Variants in CHN1 observed in about 807,000 individuals in gnomAD.
CHN1 encodes chimerin 1.
A neutral mutation model predicts 59.5 loss-of-function variants in CHN1; 37 were observed. The ratio of observed to expected loss-of-function variants is 0.62; its 90% CI spans 0.48 to 0.82. The LOEUF is 0.82. CHN1 is among the 40% of genes least tolerant of loss of function. The pLI is 0.00. For missense variants in CHN1, 469 were observed against 571.0 expected (o/e 0.82, Z 1.82); for synonymous variants, 206 against 200.4 (o/e 1.03, Z -0.24).
At chr2:174,838,064 G>A (rs187603769) in intron 7 of CHN1, among the ~76,000 whole-genome samples, 40 of 152,120 alleles carry the variant, frequency 2.6e-4, no homozygotes, top group African/African-American at 8.7e-4. Flanking sequence ...TGCTTTAACC[G>A]TCCTACTAAC....
intron 5 of CHN1, among the ~76,000 whole-genome samples, chr2:174,889,214 G>A (rs955246870): frequency 2.6e-5 from 4 of 152,070 alleles, no homozygotes; most frequent in African/African-American, 9.7e-5. Flanking sequence ...CTCTACACAG[G>A]TTAATTCATA....
intron 11 of CHN1, among the ~76,000 whole-genome samples, chr2:174,804,755 CTG>C (rs1256727687): frequency 3.3e-5 from 5 of 152,180 alleles, no homozygotes; most frequent in Non-Finnish European, 7.3e-5. Flanking sequence ...ATTGGAAAGA[CTG>C]TGGGTGGAGG....
intron 1 of CHN1, among the ~76,000 whole-genome samples, chr2:174,960,304 C>T (rs1056027856): frequency 6.6e-6 from 1 of 152,116 alleles, no homozygotes; most frequent in African/African-American, 2.4e-5. Flanking sequence ...CTGTACTCAA[C>T]CTAAATGTCC....
At position 174,857,453 on chromosome 2, in the gene CHN1, G is replaced by A. The variant is rs189442289; in HGVS notation, c.550-10496C>T. Among the ~76,000 whole-genome samples, 8 of 152,226 alleles carry A rather than the reference G, an allele frequency of 5.3e-5. No individual in the cohort carries two copies. In the East Asian group the frequency reaches 1.5e-3, roughly 29 times the overall value. The stretch of plus-strand genomic sequence containing the variant: ...ATAAATTCTTGGAGGGTGGCAGATT[G>A]TGGTCCTGATGTATTGGTAACAACC... On this transcript the variant is annotated intron_variant, in intron 6 of 12. Coordinates refer to ENST00000409900, the MANE Select transcript of CHN1 (RefSeq NM_001822.7).
intron 10 of CHN1, chr2:174,810,788 A>G (rs1396664615): frequency 1.3e-5 from 2 of 152,238 alleles, no homozygotes; most frequent in Admixed American, 6.5e-5. Flanking sequence ...TGATAGAACT[A>G]GAATACGTAC....
At chr2:175,004,852 C>T in intron 1 of CHN1, 42 bp downstream of exon 1, 1 of 1,327,402 alleles carries the variant, frequency 7.5e-7, no homozygotes, top group Non-Finnish European at 9.8e-7. Context: ...AGCCCCGGGA[C>T]GCGGCCCACC....
chr2:174,909,612 C>T (rs964068790), intron 5 of CHN1, among the ~76,000 whole-genome samples: 1 of 152,214 alleles, frequency 6.6e-6, no homozygotes, highest in Non-Finnish European at 1.5e-5. Flanking sequence ...GAAAACCAAC[C>T]TTAGACTGAA....
At position 174,956,806 on chromosome 2, in the gene CHN1, A is replaced by T. The variant is rs577793917; in HGVS notation, c.20-4604T>A. Among the ~76,000 whole-genome samples, 5 of 152,176 alleles carry T rather than the reference A, an allele frequency of 3.3e-5. No individual in the cohort carries two copies. The East Asian group carries it at 9.6e-4, about 29-fold the overall frequency. On this transcript the variant is annotated intron_variant, in intron 1 of 12. Transcript: ENST00000409900. Reference sequence around the variant, plus strand: ...AAAAAAAGAATGAATAACAGATTACATGAATAAATGAATAATGAATGAAAT... The same window carrying T: ...AAAAAAAGAATGAATAACAGATTACTTGAATAAATGAATAATGAATGAAAT...
intron 3 of CHN1, among the ~76,000 whole-genome samples, chr2:174,926,644 T>C (rs78315544): frequency 2.4e-3 from 359 of 152,290 alleles, no homozygotes; most frequent in Non-Finnish European, 2.9e-3. Context: ...TTCACTGAGC[T>C]AGACAAAGGC....
intron 6 of CHN1, among the ~76,000 whole-genome samples, chr2:174,870,759 T>G (rs928633223): frequency 1.3e-5 from 2 of 152,240 alleles, no homozygotes; most frequent in African/African-American, 4.8e-5. Flanking sequence ...CAATGATTAT[T>G]TCCTCACCAA....
At chr2:174,813,347 G>C (rs1310614277) in intron 8 of CHN1, among the ~76,000 whole-genome samples, 1 of 152,176 alleles carries the variant, frequency 6.6e-6, no homozygotes. Context: ...GGGTGTGGAG[G>C]TTCCAGCCCT....
chr2:174,927,175 C>T (rs1040954710), intron 3 of CHN1, among the ~76,000 whole-genome samples: 4 of 152,154 alleles, frequency 2.6e-5, no homozygotes, highest in African/African-American at 7.2e-5. Flanking sequence ...CTCCCGAGCA[C>T]GCATCCTTAA....
chr2:174,945,052 A>G, intron 2 of CHN1, 109 bp from the exon 3 acceptor site: 1 of 726,984 alleles, frequency 1.4e-6, no homozygotes. Flanking sequence ...AACTGGTATA[A>G]CCTTATTTAC....
At chr2:174,873,330 T>C (rs9789395) in intron 6 of CHN1, among the ~76,000 whole-genome samples, 48,767 of 151,940 alleles carry the variant, frequency 0.32, 9,250 homozygotes, top group Admixed American at 0.45. Flanking sequence ...AGCTTGAGCA[T>C]GAACAAGGAA....
intron 6 of CHN1, among the ~76,000 whole-genome samples, chr2:174,862,956 G>A (rs1687112207): frequency 6.6e-6 from 1 of 152,156 alleles, no homozygotes; most frequent in African/African-American, 2.4e-5. Context: ...TGGGTGTTTG[G>A]CATTTTCTAT....
chr2:174,830,722 G>A (rs879678762), intron 7 of CHN1, among the ~76,000 whole-genome samples: 1 of 152,208 alleles, frequency 6.6e-6, no homozygotes, highest in Non-Finnish European at 1.5e-5. Flanking sequence ...CCACTGGCCA[G>A]CAGCAGACAG....
At chr2:174,848,123 T>A (rs1331449816) in intron 6 of CHN1, among the ~76,000 whole-genome samples, 6 of 152,206 alleles carry the variant, frequency 3.9e-5, no homozygotes, top group Admixed American at 6.5e-5. Context: ...GCTAACAGCT[T>A]GCAGTGGTCA....
chr2:174,965,503 G>A (rs892415210), intron 1 of CHN1, among the ~76,000 whole-genome samples: 2 of 151,946 alleles, frequency 1.3e-5, no homozygotes, highest in African/African-American at 4.8e-5. Flanking sequence ...ACAATATAAT[G>A]AATTCTCAAA....
At chr2:174,893,616 A>G (rs926100824) in intron 5 of CHN1, among the ~76,000 whole-genome samples, 2 of 152,122 alleles carry the variant, frequency 1.3e-5, no homozygotes, top group African/African-American at 4.8e-5. Context: ...ATTTTTGCAG[A>G]AGTAGAAAAA....
Sources: allele counts gnomAD v4.1 joint callset (sites outside exome capture counted in the v4.1 genomes callset), GRCh38; gene constraint gnomAD v4.1.1; transcripts MANE v1.5; gene names NCBI Gene and HGNC (gene_info 2026-07-23, HGNC 2026-07-21).